RAB11FIP3: variants seen among roughly 807,000 people sequenced by gnomAD.
The protein encoded by RAB11FIP3 is RAB11 family interacting protein 3, also known as rab11 family-interacting protein 3.
In RAB11FIP3, 17 loss-of-function variants were observed where a neutral mutation model predicts 77.8. The observed-to-expected ratio is 0.22, with a 90% CI of 0.15 to 0.33. The LOEUF is 0.33. Ranked by LOEUF, RAB11FIP3 falls within the 10% of genes least tolerant of loss-of-function variation. The probability of loss-of-function intolerance (pLI) is 1.00; values close to 1 mark genes in which losing one functional copy is unlikely to be tolerated. For missense variants in RAB11FIP3, 1,005 were observed against 1,011.2 expected (o/e 0.99, Z 0.08); for synonymous variants, 437 against 448.2 (o/e 0.98, Z 0.31).
chr16:426,466 G>A lies in RAB11FIP3; in HGVS notation c.460G>A (p.Ala154Thr), dbSNP rs1373674194. The change falls in exon 1 of 14, where the codon GCG (alanine) becomes ACG (threonine). Residue 154 changes from alanine (A) to threonine (T), a missense_variant. Around this residue, in one of 4 missense-constraint regions of RAB11FIP3, gnomAD observed 466 missense variants for 408.3 expected, o/e 1.14. Transcript: ENST00000262305. This position sits in a 1 kb window ranked among gnomAD's most constrained non-coding sequence, Gnocchi z 5.0. ...GCAGGGGTCCAGCAGCAGCCACCGA[G>A]CGCGGGGCGAGGTCGACGTCTTCTC... ...RLQGSSSSHR[A>T]RGEVDVFSPF... is the part of the protein sequence containing the mutation. The A allele has an allele frequency of 6.3e-7, 1 of 1,581,872 alleles. No homozygotes were observed. Among genetic ancestry groups the A allele is most frequent in the Non-Finnish European group, 8.6e-7 (1 of 1,165,136 alleles).
In RAB11FIP3 at chr16:444,538, T is replaced by C. The variant is rs146129303; in HGVS notation, c.715-16866T>C. On this transcript the variant is annotated intron_variant, in intron 1 of 13. Transcript: ENST00000262305. ...GCTCCTAATTTTAGAGCTCCTAGAATTTTGTAGTCCTCTCAAGATTGGGTT... is the reference window on the plus strand; with the variant it reads ...GCTCCTAATTTTAGAGCTCCTAGAACTTTGTAGTCCTCTCAAGATTGGGTT... Among the ~76,000 whole-genome samples the C allele has an allele frequency of 7.2e-3, 1,104 of 152,340 alleles. 6 individuals carry two copies. The highest frequency in any genetic ancestry group is 0.011 in the Non-Finnish European group (779 of 68,026).
chr16:448,084 G>A (rs1007080044), intron 1 of RAB11FIP3, among the ~76,000 whole-genome samples: 4 of 152,164 alleles, frequency 2.6e-5, no homozygotes, highest in Non-Finnish European at 4.4e-5. Context: ...TTGGGAGGCC[G>A]AGGTGGGCGG....
intron 9 of RAB11FIP3, among the ~76,000 whole-genome samples, chr16:516,737 C>T (rs1250938700): frequency 2.6e-5 from 4 of 152,162 alleles, no homozygotes; most frequent in African/African-American, 4.8e-5. Flanking sequence ...ATTAGCCAGG[C>T]GCGGTGGCGG....
chr16:431,127 G>A (rs1412149213), intron 1 of RAB11FIP3, among the ~76,000 whole-genome samples: 1 of 152,146 alleles, frequency 6.6e-6, no homozygotes, highest in Non-Finnish European at 1.5e-5. Context: ...TGTGTAATAT[G>A]TGTGTGCGGT....
chr16:470,044 G>T (rs2055782674), intron 2 of RAB11FIP3, among the ~76,000 whole-genome samples: 1 of 151,846 alleles, frequency 6.6e-6, no homozygotes, highest in Non-Finnish European at 1.5e-5. Context: ...GCCCAGGCTG[G>T]AGTGCAGAGT....
intron 1 of RAB11FIP3, among the ~76,000 whole-genome samples, chr16:438,827 C>G (rs916887573): frequency 1.3e-5 from 2 of 152,018 alleles, no homozygotes; most frequent in Admixed American, 1.3e-4. Flanking sequence ...GTAGCTGGGA[C>G]TACTGGCACG....
chr16:469,935 G>T (rs2055779806), intron 2 of RAB11FIP3, among the ~76,000 whole-genome samples: 1 of 152,140 alleles, frequency 6.6e-6, no homozygotes, highest in Non-Finnish European at 1.5e-5. Flanking sequence ...CAAGCCTTCA[G>T]AGTAGCTAAG....
In RAB11FIP3 at chr16:426,048, GCCGGGGCCCGAC is replaced by G; in HGVS notation, c.47_58del (p.Gly16_Pro19del). 1.0e-6 allele frequency: 1 copy of G among 997,136 alleles called. No individual in the cohort carries two copies. The highest frequency in any genetic ancestry group is 1.2e-6 in the Non-Finnish European group (1 of 839,456). 61.8% of individuals were successfully genotyped at this position (997,136 alleles called of 1,614,324 possible). A position where few individuals can be genotyped will look rare whatever the true frequency, so the allele number is the denominator to read the frequency against. ...CGGCCTCGCCCCCGGGCTCGGAGCC[GCCGGGGCCCGAC>G]CCGGAGCCGGGCGGGCCGGACGGGC... On this transcript the variant is annotated inframe_deletion, in exon 1 of 14. Coordinates refer to ENST00000262305, the MANE Select transcript of RAB11FIP3 (RefSeq NM_014700.4). The surrounding 1 kb of genome is among the most constrained non-coding windows in gnomAD (Gnocchi z 5.0).
chr16:497,185 G>A (rs117426751), intron 6 of RAB11FIP3: 28,803 of 1,026,276 alleles, frequency 0.028, 495 homozygotes, highest in Middle Eastern at 0.043. Context: ...GAGACCCAGT[G>A]AGGAGCCTGG....
At position 472,322 on chromosome 16, in the gene RAB11FIP3, G is replaced by A. The variant is rs921169635; in HGVS notation, c.903+933G>A. On this transcript the variant is annotated intron_variant, in intron 3 of 13. Transcript: ENST00000262305. The surrounding 1 kb of genome is among the most constrained non-coding windows in gnomAD (Gnocchi z 4.1). Reference sequence around the variant, plus strand: ...GACCCTGGGGGTGGTTCTGCCTTACGGCGGTGTCCCAGTTATCAGCTGGGC... The same window carrying A: ...GACCCTGGGGGTGGTTCTGCCTTACAGCGGTGTCCCAGTTATCAGCTGGGC... Among the ~76,000 whole-genome samples, 3 of 152,216 alleles carry A rather than the reference G, an allele frequency of 2.0e-5. No individual in the cohort carries two copies. The highest frequency in any genetic ancestry group is 1.9e-4 in the East Asian group (1 of 5,202).
chr16:518,896 G>A (rs781528731), intron 9 of RAB11FIP3, 47 bp from the exon 10 acceptor site: 38 of 1,599,928 alleles, frequency 2.4e-5, no homozygotes, highest in South Asian at 7.7e-5. Flanking sequence ...TGGCCCTGTA[G>A]AGGCGAGCTT....
chr16:503,084 A>G lies in RAB11FIP3; in HGVS notation c.1382A>G (p.Asp461Gly). The G allele has an allele frequency of 6.2e-7, 1 of 1,611,648 alleles. No individual in the cohort carries two copies. Among genetic ancestry groups the G allele is most frequent in the Non-Finnish European group, 8.5e-7 (1 of 1,178,598 alleles). ...SPELMEGPEE[D>G]IADKVVFLER... ...GAGCTCATGGAGGGCCCAGAGGAGG[A>G]CATTGCTGACAAGGTAGGCCCTGGA... is the stretch of plus-strand genomic sequence containing the variant. The change falls in exon 7 of 14, where the codon GAC becomes GGC. Residue 461 changes from aspartate to glycine, a missense_variant. Transcript: ENST00000262305.
chr16:476,079 C>T (rs1356082478), intron 3 of RAB11FIP3, among the ~76,000 whole-genome samples: 1 of 152,200 alleles, frequency 6.6e-6, no homozygotes, highest in Non-Finnish European at 1.5e-5. Context: ...TGGTCTCGAA[C>T]TCCTGGCCTC....
chr16:439,255 G>A (rs758215208), intron 1 of RAB11FIP3: 1 of 152,210 alleles, frequency 6.6e-6, no homozygotes, highest in Non-Finnish European at 1.5e-5. Flanking sequence ...TTTGTGTCCA[G>A]ATATTTCATG....
chr16:447,305 CA>C (rs1358367411), intron 1 of RAB11FIP3, among the ~76,000 whole-genome samples: 1 of 151,664 alleles, frequency 6.6e-6, no homozygotes, highest in Non-Finnish European at 1.5e-5. Context: ...ACCCTGTCTC[CA>C]AAAAGGAAAA....
chr16:433,883 G>A (rs910478547), intron 1 of RAB11FIP3, among the ~76,000 whole-genome samples: 6 of 150,602 alleles, frequency 4.0e-5, no homozygotes, highest in African/African-American at 9.8e-5. Flanking sequence ...GTACTCCATT[G>A]TGTATCTATA....
chr16:440,745 C>T (rs2055211326), intron 1 of RAB11FIP3, among the ~76,000 whole-genome samples: 1 of 152,206 alleles, frequency 6.6e-6, no homozygotes, highest in African/African-American at 2.4e-5. Flanking sequence ...AATGTTAGTT[C>T]TGGAGACCAG....
chr16:487,406 G>A (rs1168887085), intron 4 of RAB11FIP3, among the ~76,000 whole-genome samples: 1 of 152,210 alleles, frequency 6.6e-6, no homozygotes, highest in African/African-American at 2.4e-5. Context: ...ACAGGTGTGA[G>A]CCACCGCCCC....
chr16:458,722 T>C (rs1226571019), intron 1 of RAB11FIP3, among the ~76,000 whole-genome samples: 1 of 151,396 alleles, frequency 6.6e-6, no homozygotes, highest in African/African-American at 2.4e-5. Flanking sequence ...CCCTGAGCAT[T>C]TTCACAGTCC....
Sources: allele counts gnomAD v4.1 joint callset (sites outside exome capture counted in the v4.1 genomes callset), GRCh38; gene constraint gnomAD v4.1.1; regional missense constraint gnomAD v4.1.1; non-coding constraint Gnocchi (gnomAD v3.1); transcripts MANE v1.5; gene names NCBI Gene and HGNC (gene_info 2026-07-23, HGNC 2026-07-21).